The following PDS5B variants were observed in gnomAD, a reference collection of about 807,000 sequenced individuals.
PDS5B encodes sister chromatid cohesion protein PDS5 homolog B.
In PDS5B, 51 loss-of-function variants were observed where a neutral mutation model predicts 184.1. The ratio of observed to expected loss-of-function variants is 0.28; its 90% CI spans 0.22 to 0.35. The LOEUF is 0.35. PDS5B is among the 10% of genes least tolerant of loss of function. The probability of loss-of-function intolerance (pLI) is 1.00; values close to 1 mark genes in which losing one functional copy is unlikely to be tolerated. For synonymous variants in PDS5B, 566 were observed against 569.2 expected (o/e 0.99, Z 0.08); for missense variants, 1,180 against 1,723.3 (o/e 0.68, Z 5.58).
chr13:32,608,123 C>T (rs1002424614), intron 1 of PDS5B, among the ~76,000 whole-genome samples: 14 of 152,194 alleles, frequency 9.2e-5, no homozygotes, highest in Non-Finnish European at 1.3e-4. Context: ...TGTTCTGCGT[C>T]GCTCATGCTG....
chr13:32,735,205 G>A lies in PDS5B; in HGVS notation c.2281G>A (p.Glu761Lys). The A allele has an allele frequency of 6.2e-7, 1 of 1,607,262 alleles. No homozygotes were observed. Among genetic ancestry groups the A allele is most frequent in the Non-Finnish European group, 8.5e-7 (1 of 1,176,712 alleles). Reference sequence around the variant, plus strand: ...TAAGAGCCTAGATCCAAGCAACCTGGAACATCTCATAACACCATTGGTTAC... The same window carrying A: ...TAAGAGCCTAGATCCAAGCAACCTGAAACATCTCATAACACCATTGGTTAC... ...LHKSLDPSNL[E>K]HLITPLVTIG... Residue 761 changes from glutamate (E) to lysine (K), a missense_variant, in exon 21 of 35, where the codon GAA becomes AAA. By Grantham distance (56) the Glu-to-Lys change is moderately conservative (BLOSUM62 1). Transcript: ENST00000315596.
chr13:32,726,176 G>A (rs1458365987), intron 19 of PDS5B, among the ~76,000 whole-genome samples: 3 of 145,822 alleles, frequency 2.1e-5, no homozygotes, highest in Admixed American at 1.4e-4. Context: ...GCCCCCTTCC[G>A]TGCACATACC....
At chr13:32,696,585 T>A (rs1413861005) in intron 14 of PDS5B, among the ~76,000 whole-genome samples, 2 of 151,924 alleles carry the variant, frequency 1.3e-5, no homozygotes, top group African/African-American at 4.8e-5. Context: ...ACGTACCTGT[T>A]ACAAAATGTA....
At chr13:32,747,632 GT>G (rs1953803194) in intron 24 of PDS5B, among the ~76,000 whole-genome samples, 1 of 151,596 alleles carries the variant, frequency 6.6e-6, no homozygotes, top group South Asian at 2.1e-4. Context: ...AACTTCCTTG[GT>G]ATAGTTTCCC....
At chr13:32,739,414 G>A (rs1382956329) in intron 21 of PDS5B, among the ~76,000 whole-genome samples, 2 of 152,060 alleles carry the variant, frequency 1.3e-5, no homozygotes. Flanking sequence ...CACAACTTAT[G>A]TTAGGCACTA....
intron 13 of PDS5B, chr13:32,689,930 A>C (rs535661676): frequency 6.6e-6 from 1 of 152,246 alleles, no homozygotes; most frequent in South Asian, 2.1e-4. Flanking sequence ...AGACTTCTCT[A>C]CTCAGCCCAA....
rs567995652 is a variant in PDS5B at position 32,721,260 on chromosome 13, G to A, written c.2124-10841G>A. On this transcript the variant is annotated intron_variant, in intron 19 of 34. Coordinates refer to ENST00000315596, the MANE Select transcript of PDS5B (RefSeq NM_015032.4). ...CCACCTCCCAGACGGGGTGGCTGCC[G>A]GGCGGGGGCGCCCCCCACCTCCCAG... Among the ~76,000 whole-genome samples, 17 of 151,602 alleles carry A rather than the reference G, an allele frequency of 1.1e-4. No individual in the cohort carries two copies. The East Asian group carries it at 2.9e-3, about 26-fold the overall frequency.
chr13:32,775,095 A>ATATTTTTTTTTT lies in PDS5B; in HGVS notation c.*44_*45insATTTTTTTTTTT. ...CTTTCTCTGTGAAAGCTTTGGAAAA[A>ATATTTTTTTTTT]TCTTTTTTTTTTTTTTTGGTCAAGC... is the stretch of plus-strand genomic sequence containing the variant. On this transcript the variant is annotated 3_prime_UTR_variant, in exon 35 of 35. Transcript: ENST00000315596. 2 of 547,600 alleles carry ATATTTTTTTTTT rather than the reference A, an allele frequency of 3.7e-6. No individual in the cohort carries two copies. Among genetic ancestry groups the ATATTTTTTTTTT allele is most frequent in the Non-Finnish European group, 5.1e-6 (2 of 388,718 alleles). The allele number at this position is 547,600 out of a possible 1,614,324, so 33.9% of individuals were successfully genotyped here.
At chr13:32,679,817 C>G (rs2140792108) in intron 10 of PDS5B, among the ~76,000 whole-genome samples, 1 of 151,914 alleles carries the variant, frequency 6.6e-6, no homozygotes, top group African/African-American at 2.4e-5. Flanking sequence ...ATCCATTCTT[C>G]CTCCCATCTT....
intron 19 of PDS5B, among the ~76,000 whole-genome samples, chr13:32,715,709 G>A (rs1952367000): frequency 6.6e-6 from 1 of 152,018 alleles, no homozygotes; most frequent in South Asian, 2.1e-4. Flanking sequence ...CTGATGCTGA[G>A]CCAAAGCTGG....
chr13:32,770,403 A>G lies in PDS5B; in HGVS notation c.3907A>G (p.Lys1303Glu), dbSNP rs746851429. ...AAAACCTCTTGGTGGAGGTACACCAAAAGAAGAGCCAACAATGAAAACTTC... is the reference window on the plus strand; with the variant it reads ...AAAACCTCTTGGTGGAGGTACACCAGAAGAAGAGCCAACAATGAAAACTTC... ...PPKPLGGGTPKEEPTMKTSKK... is the reference protein window; with the variant it reads ...PPKPLGGGTPEEEPTMKTSKK... Residue 1303 changes from lysine (K) to glutamate (E), a missense_variant, in exon 32 of 35, where the codon AAA becomes GAA. Physicochemically the swap from Lys to Glu is moderately conservative, Grantham distance 56. Transcript: ENST00000315596. The G allele has an allele frequency of 2.5e-6, 4 of 1,613,592 alleles. No individual in the cohort carries two copies. The highest frequency in any genetic ancestry group is 2.2e-5 in the East Asian group (1 of 44,868).
chr13:32,605,066 C>T (rs1293011364), intron 1 of PDS5B, among the ~76,000 whole-genome samples: 1 of 152,164 alleles, frequency 6.6e-6, no homozygotes, highest in Non-Finnish European at 1.5e-5. Flanking sequence ...TTTTGTGTCT[C>T]TATCTCCTTC....
At chr13:32,762,461 G>A (rs1298459639) in intron 30 of PDS5B, among the ~76,000 whole-genome samples, 1 of 152,164 alleles carries the variant, frequency 6.6e-6, no homozygotes, top group Non-Finnish European at 1.5e-5. Flanking sequence ...CTAGATTCCT[G>A]TATTAATGCA....
intron 19 of PDS5B, among the ~76,000 whole-genome samples, chr13:32,721,499 G>GC (rs1256385223): frequency 6.6e-6 from 1 of 151,426 alleles, no homozygotes; most frequent in Non-Finnish European, 1.5e-5. Flanking sequence ...TCGTGGCCGG[G>GC]CAGAGGCGCT....
At chr13:32,731,318 C>A (rs539866839) in intron 19 of PDS5B, among the ~76,000 whole-genome samples, 1 of 152,010 alleles carries the variant, frequency 6.6e-6, no homozygotes, top group African/African-American at 2.4e-5. Flanking sequence ...CTCCTTTATT[C>A]GGTATTCGTT....
chr13:32,696,989 G>A, intron 15 of PDS5B, 87 bp downstream of exon 15: 1 of 766,624 alleles, frequency 1.3e-6, no homozygotes, highest in Non-Finnish European at 2.1e-6. Context: ...TTTTGTTATA[G>A]GCTATGATAA....
intron 10 of PDS5B, among the ~76,000 whole-genome samples, chr13:32,683,005 C>T (rs533327269): frequency 6.6e-6 from 1 of 151,950 alleles, no homozygotes; most frequent in East Asian, 1.9e-4. Context: ...GTTATTTGTC[C>T]CTTTTAAAAA....
intron 1 of PDS5B, among the ~76,000 whole-genome samples, chr13:32,612,196 G>A (rs1407630041): frequency 1.3e-5 from 2 of 151,996 alleles, no homozygotes; most frequent in African/African-American, 4.8e-5. Flanking sequence ...ATTGGTATAT[G>A]CCTTTATTAT....
At chr13:32,595,693 A>G (rs990664713) in intron 1 of PDS5B, among the ~76,000 whole-genome samples, 1 of 152,226 alleles carries the variant, frequency 6.6e-6, no homozygotes, top group Non-Finnish European at 1.5e-5. Context: ...TGAATAAACC[A>G]AACTGAGCTG....
Sources: gnomAD v4.1 joint callset for allele counts (sites outside exome capture counted in the v4.1 genomes callset) on GRCh38, gnomAD v4.1.1 for gene constraint, MANE v1.5 for transcripts, NCBI Gene and HGNC (gene_info 2026-07-23, HGNC 2026-07-21) for gene names.